CHD1: variants seen among roughly 807,000 people sequenced by gnomAD.
CHD1 encodes the protein chromodomain helicase DNA binding protein 1, also known as ATP-dependent chromatin remodeler CHD1.
CHD1 carries 36 observed loss-of-function variants against 224.2 expected under a neutral mutation model. The observed-to-expected ratio is 0.16, with a 90% confidence interval of 0.12 to 0.21. The LOEUF (loss-of-function observed/expected upper bound fraction) is 0.21. CHD1 is among the 10% of genes least tolerant of loss of function. The probability of loss-of-function intolerance (pLI) is 1.00; values close to 1 mark genes in which losing one functional copy is unlikely to be tolerated. For synonymous variants in CHD1, 668 were observed against 658.3 expected (o/e 1.01, Z -0.23); for missense variants, 1,378 against 1,994.8 (o/e 0.69, Z 5.89).
intron 2 of CHD1, among the ~76,000 whole-genome samples, chr5:98,924,749 G>C (rs1410341455): frequency 1.3e-5 from 2 of 152,210 alleles, no homozygotes; most frequent in Non-Finnish European, 2.9e-5. Flanking sequence ...CTCGAGGCAG[G>C]TGGATCACTT....
intron 2 of CHD1, 152 bp downstream of exon 2, chr5:98,926,182 C>T: frequency 2.0e-6 from 1 of 499,156 alleles, no homozygotes; most frequent in Non-Finnish European, 3.5e-6. Flanking sequence ...GTTCGTATAT[C>T]AGAATTTTTT....
At chr5:98,916,874 T>G (rs1307424339) in intron 2 of CHD1, among the ~76,000 whole-genome samples, 1 of 152,186 alleles carries the variant, frequency 6.6e-6, no homozygotes, top group Admixed American at 6.5e-5. Context: ...GAAATTTTGG[T>G]ACCCCTTATA....
intron 30 of CHD1, chr5:98,869,307 A>G: frequency 1.0e-6 from 1 of 984,212 alleles, no homozygotes; most frequent in Non-Finnish European, 1.2e-6. Context: ...CCAATGTATT[A>G]CTAACCAAAT....
chr5:98,912,339 TA>T (rs1023044738), intron 2 of CHD1, among the ~76,000 whole-genome samples: 4 of 152,098 alleles, frequency 2.6e-5, no homozygotes, highest in Non-Finnish European at 4.4e-5. Context: ...CAAAACTTTT[TA>T]AAAAAATCCG....
intron 23 of CHD1, among the ~76,000 whole-genome samples, chr5:98,879,195 C>A (rs1749985368): frequency 6.6e-6 from 1 of 152,132 alleles, no homozygotes; most frequent in African/African-American, 2.4e-5. Context: ...AATTGTGCCA[C>A]TGCACTCCAG....
intron 2 of CHD1, among the ~76,000 whole-genome samples, chr5:98,923,901 T>C (rs1212330126): frequency 6.6e-6 from 1 of 152,222 alleles, no homozygotes; most frequent in East Asian, 1.9e-4. Flanking sequence ...TATGAATAGT[T>C]TGGTTCCTTT....
At chr5:98,908,478 T>A (rs895478014) in intron 2 of CHD1, among the ~76,000 whole-genome samples, 2 of 152,150 alleles carry the variant, frequency 1.3e-5, no homozygotes, top group African/African-American at 4.8e-5. Context: ...GGATTGCTTT[T>A]TGCTGCTCTT....
rs912914692 is a variant in CHD1, at chr5:98,854,827, T to C, written c.*1553A>G. 5 of 152,198 alleles carry C rather than the reference T, an allele frequency of 3.3e-5. No homozygotes were observed. The highest frequency in any genetic ancestry group is 1.9e-4 in the East Asian group (1 of 5,204). 9.4% of individuals were successfully genotyped at this position (152,198 alleles called of 1,614,324 possible). A position where few individuals can be genotyped will look rare whatever the true frequency, so the allele number is the denominator to read the frequency against. On this transcript the variant is annotated 3_prime_UTR_variant, in exon 36 of 36. Coordinates refer to ENST00000614616, the MANE Select transcript of CHD1 (RefSeq NM_001270.4). The stretch of plus-strand genomic sequence containing the variant: ...TATAGAAATTATGTCCACATACTTA[T>C]ATTCGTCAAAGATTCAAATTTGTTA...
At chr5:98,888,061 A>G (rs1204168436) in intron 17 of CHD1, 27 bp downstream of exon 17, 1 of 1,454,788 alleles carries the variant, frequency 6.9e-7, no homozygotes. Flanking sequence ...ATAAAATTTA[A>G]AACAACAAAT....
chr5:98,900,269 G>A (rs1299844803), intron 7 of CHD1, among the ~76,000 whole-genome samples: 5 of 140,378 alleles, frequency 3.6e-5, no homozygotes, highest in East Asian at 2.0e-4. Context: ...ACAACAGAAC[G>A]AGATTCTGTC....
chr5:98,900,399 C>G (rs971729107), intron 7 of CHD1, among the ~76,000 whole-genome samples: 4 of 151,558 alleles, frequency 2.6e-5, no homozygotes, highest in African/African-American at 9.7e-5. Context: ...AAAATCCACC[C>G]TCTTAGCTTT....
At chr5:98,922,074 C>T (rs1753133123) in intron 2 of CHD1, among the ~76,000 whole-genome samples, 1 of 152,032 alleles carries the variant, frequency 6.6e-6, no homozygotes, top group Non-Finnish European at 1.5e-5. Flanking sequence ...ACTGCCAGAA[C>T]ACAGGAGACG....
At chr5:98,880,397 A>G (rs1175705859) in intron 22 of CHD1, among the ~76,000 whole-genome samples, 1 of 152,234 alleles carries the variant, frequency 6.6e-6, no homozygotes, top group Non-Finnish European at 1.5e-5. Flanking sequence ...AGAATGATTC[A>G]TTAAAATTAT....
In CHD1 at chr5:98,879,674, T is replaced by C. The variant is rs760551966; in HGVS notation, c.3115A>G (p.Asn1039Asp). The change falls in exon 23 of 36, where the codon AAT becomes GAT. Residue 1039 changes from asparagine to aspartate, a missense_variant. Asn to Asp is a conservative substitution (Grantham distance 23, BLOSUM62 1). Coordinates refer to ENST00000614616, the MANE Select transcript of CHD1 (RefSeq NM_001270.4). ...EDDIELEPER[N>D]SKNWEEIIPE... is the part of the protein sequence containing the mutation. ...ATAATTTCCTCCCAATTCTTTGAATTTCTTTCAGGTTCCAACTCAATGTCA... is the reference window on the plus strand; with the variant it reads ...ATAATTTCCTCCCAATTCTTTGAATCTCTTTCAGGTTCCAACTCAATGTCA... 3 of 1,609,120 alleles carry C rather than the reference T, an allele frequency of 1.9e-6. No homozygotes were observed. In the South Asian group the frequency reaches 3.3e-5, roughly 18 times the overall value.
At chr5:98,919,993 C>G (rs150037156) in intron 2 of CHD1, among the ~76,000 whole-genome samples, 1 of 151,950 alleles carries the variant, frequency 6.6e-6, no homozygotes, top group Admixed American at 6.6e-5. Flanking sequence ...AAGAAACATA[C>G]GAGCCAACCT....
chr5:98,857,730 G>A (rs1225708489), intron 35 of CHD1, among the ~76,000 whole-genome samples: 1 of 151,970 alleles, frequency 6.6e-6, no homozygotes. Flanking sequence ...TAATATTCCA[G>A]ATTGCTGAGG....
At chr5:98,900,350 A>T (rs575390875) in intron 7 of CHD1, among the ~76,000 whole-genome samples, 2 of 152,092 alleles carry the variant, frequency 1.3e-5, no homozygotes, top group African/African-American at 4.8e-5. Context: ...GGCTAAGCAA[A>T]GTAGCTTTTA....
At chr5:98,896,548 G>A in intron 11 of CHD1, 106 bp from the exon 12 acceptor site, 1 of 710,672 alleles carries the variant, frequency 1.4e-6, no homozygotes, top group South Asian at 1.9e-5. Flanking sequence ...AAAATTGATA[G>A]GTATTATATA....
In CHD1 at chr5:98,855,712, AAC is replaced by A. The variant is rs1747974398; in HGVS notation, c.*666_*667del. ...GAAGGCCTGAGTTGGTAGGGAAAGG[AAC>A]AGTCAAAAAAAGCCTGAGAAAGGGA... On this transcript the variant is annotated 3_prime_UTR_variant, in exon 36 of 36. Transcript: ENST00000614616. The A allele has an allele frequency of 6.6e-6, 1 of 151,512 alleles. No homozygotes were observed. 9.4% of individuals were successfully genotyped at this position (151,512 alleles called of 1,614,324 possible).
Sources: allele counts gnomAD v4.1 joint callset (sites outside exome capture counted in the v4.1 genomes callset), GRCh38; gene constraint gnomAD v4.1.1; transcripts MANE v1.5; gene names NCBI Gene and HGNC (gene_info 2026-07-23, HGNC 2026-07-21).